Variants in SYN3 observed in about 807,000 individuals in gnomAD.
SYN3 encodes the protein synapsin III.
A neutral mutation model predicts 65.8 loss-of-function variants in SYN3; 35 were observed. The ratio of observed to expected loss-of-function variants is 0.53; its 90% CI spans 0.41 to 0.70. SYN3 has a LOEUF of 0.70. SYN3 is among the 30% of genes least tolerant of loss of function. The pLI is 0.00. For missense variants in SYN3, 680 were observed against 749.0 expected (o/e 0.91, Z 1.08); for synonymous variants, 270 against 292.9 (o/e 0.92, Z 0.80).
chr22:33,021,315 G>T (rs1480476396), intron 1 of SYN3, among the ~76,000 whole-genome samples: 1 of 152,130 alleles, frequency 6.6e-6, no homozygotes, highest in Non-Finnish European at 1.5e-5. Context: ...TATTTTTTAA[G>T]TTAACATAGA....
At chr22:32,658,435 C>G (rs1273159406) in intron 6 of SYN3, among the ~76,000 whole-genome samples, 1 of 152,224 alleles carries the variant, frequency 6.6e-6, no homozygotes, top group Non-Finnish European at 1.5e-5. Flanking sequence ...GAGACTGGGC[C>G]TTGGGTCAGC....
chr22:32,630,602 T>C lies in SYN3; in HGVS notation c.712-33866A>G, dbSNP rs541589441. Among the ~76,000 whole-genome samples, 3 of 152,324 alleles carry C rather than the reference T, an allele frequency of 2.0e-5. No individual in the cohort carries two copies. The South Asian group carries it at 6.2e-4, about 32-fold the overall frequency. Reference sequence around the variant, plus strand: ...GGGGCACACTTTTAAAAAACTGATGTGCACGTTACAAACAGTAAAATGAAT... The same window carrying C: ...GGGGCACACTTTTAAAAAACTGATGCGCACGTTACAAACAGTAAAATGAAT... On this transcript the variant is annotated intron_variant, in intron 6 of 13. Coordinates refer to ENST00000358763, the MANE Select transcript of SYN3 (RefSeq NM_003490.4).
intron 3 of SYN3, among the ~76,000 whole-genome samples, chr22:32,960,631 G>A (rs1406903477): frequency 6.6e-6 from 1 of 152,188 alleles, no homozygotes; most frequent in African/African-American, 2.4e-5. Flanking sequence ...TCCTGGTTAT[G>A]TTTAAGACAA....
chr22:32,593,614 G>A (rs758323582), intron 7 of SYN3, among the ~76,000 whole-genome samples: 14 of 152,156 alleles, frequency 9.2e-5, no homozygotes, highest in Non-Finnish European at 1.5e-4. Flanking sequence ...AGAGGAGGAG[G>A]AGAAGGAGGG....
chr22:32,976,229 A>G (rs2052181546), intron 3 of SYN3, among the ~76,000 whole-genome samples: 1 of 152,196 alleles, frequency 6.6e-6, no homozygotes, highest in South Asian at 2.1e-4. Context: ...AGGAGCAACT[A>G]GTATTCATAT....
At chr22:32,880,211 A>G (rs1044640192) in intron 4 of SYN3, among the ~76,000 whole-genome samples, 2 of 152,152 alleles carry the variant, frequency 1.3e-5, no homozygotes, top group East Asian at 3.9e-4. Flanking sequence ...TTTCAACATG[A>G]TCTCATAGCA....
At chr22:32,898,563 G>C (rs188987235) in intron 4 of SYN3, among the ~76,000 whole-genome samples, 7 of 152,280 alleles carry the variant, frequency 4.6e-5, no homozygotes, top group African/African-American at 1.7e-4. Flanking sequence ...TGACACATAG[G>C]TGCTCCTAAA....
At chr22:32,991,426 C>A (rs1441825510) in intron 2 of SYN3, among the ~76,000 whole-genome samples, 1 of 151,694 alleles carries the variant, frequency 6.6e-6, no homozygotes, top group Non-Finnish European at 1.5e-5. Context: ...TCTTGAAAAT[C>A]AATAACTCGA....
chr22:32,524,968 T>C (rs1273914444), intron 12 of SYN3, among the ~76,000 whole-genome samples: 3 of 152,276 alleles, frequency 2.0e-5, no homozygotes, highest in South Asian at 2.1e-4. Flanking sequence ...TCAGCCGAGA[T>C]TGCACCACTG....
intron 2 of SYN3, among the ~76,000 whole-genome samples, chr22:32,989,546 T>G (rs1481968377): frequency 6.6e-6 from 1 of 152,036 alleles, no homozygotes; most frequent in Non-Finnish European, 1.5e-5. Flanking sequence ...GTAAATAAAG[T>G]CATCAGGGCC....
intron 6 of SYN3, among the ~76,000 whole-genome samples, chr22:32,622,622 G>A (rs1369286467): frequency 6.6e-6 from 1 of 150,994 alleles, no homozygotes; most frequent in Non-Finnish European, 1.5e-5. Context: ...ATTCCAGAAA[G>A]TCAGAGCTGG....
chr22:32,859,760 C>A, intron 6 of SYN3: 1 of 259,696 alleles, frequency 3.9e-6, no homozygotes, highest in Non-Finnish European at 7.5e-6. Flanking sequence ...ACCTCACCAT[C>A]TCCCAGACCC....
chr22:32,638,187 C>G (rs1322496404), intron 6 of SYN3, among the ~76,000 whole-genome samples: 1 of 151,870 alleles, frequency 6.6e-6, no homozygotes, highest in South Asian at 2.1e-4. Context: ...ATGGTGTGTG[C>G]GAACCACATT....
At chr22:32,840,981 T>A (rs1355021124) in intron 6 of SYN3, among the ~76,000 whole-genome samples, 1 of 152,238 alleles carries the variant, frequency 6.6e-6, no homozygotes, top group African/African-American at 2.4e-5. Context: ...GTTGTGTATC[T>A]GACCCTGTGA....
intron 6 of SYN3, chr22:32,861,718 G>A (rs1168377987): frequency 6.6e-6 from 1 of 152,310 alleles, no homozygotes; most frequent in East Asian, 1.9e-4. Flanking sequence ...GGGCAAAGAA[G>A]GGTCTTTCGC....
At chr22:32,743,603 C>T (rs1395183809) in intron 6 of SYN3, among the ~76,000 whole-genome samples, 4 of 152,128 alleles carry the variant, frequency 2.6e-5, no homozygotes, top group Non-Finnish European at 5.9e-5. Context: ...TTTCACCAGC[C>T]ACTTGCCCAC....
At chr22:32,630,615 CA>C (rs1481432336) in intron 6 of SYN3, among the ~76,000 whole-genome samples, 9 of 152,134 alleles carry the variant, frequency 5.9e-5, no homozygotes, top group African/African-American at 2.2e-4. Context: ...ACGTTACAAA[CA>C]GTAAAATGAA....
intron 4 of SYN3, among the ~76,000 whole-genome samples, chr22:32,887,951 C>T (rs568544730): frequency 1.0e-3 from 154 of 152,290 alleles, no homozygotes; most frequent in South Asian, 6.0e-3. Context: ...GGCTGCACCA[C>T]GTCACATCCC....
chr22:32,690,876 T>C (rs2060652766), intron 6 of SYN3, among the ~76,000 whole-genome samples: 2 of 152,126 alleles, frequency 1.3e-5, no homozygotes, highest in South Asian at 2.1e-4. Flanking sequence ...CCCCTGCAAA[T>C]GGGAGAGAGA....
Sources: allele counts gnomAD v4.1 joint callset (sites outside exome capture counted in the v4.1 genomes callset), GRCh38; gene constraint gnomAD v4.1.1; transcripts MANE v1.5; gene names NCBI Gene and HGNC (gene_info 2026-07-23, HGNC 2026-07-21).